Variants in ING5 observed in about 807,000 individuals in gnomAD.
The protein encoded by ING5 is inhibitor of growth family member 5.
ING5 carries 17 observed loss-of-function variants against 37.4 expected under a neutral mutation model. The observed-to-expected ratio is 0.45, with a 90% CI of 0.31 to 0.68. The LOEUF (loss-of-function observed/expected upper bound fraction) is 0.68, where lower values mean the gene tolerates loss of function less well. Ranked by LOEUF, ING5 falls within the 30% of genes least tolerant of loss-of-function variation. ING5 has a pLI of 0.05. For missense variants in ING5, 233 were observed against 311.9 expected (o/e 0.75, Z 1.91); for synonymous variants, 123 against 116.6 (o/e 1.06, Z -0.36).
At chr2:241,712,149 A>C in intron 5 of ING5, 78 bp downstream of exon 5, 1 of 1,166,056 alleles carries the variant, frequency 8.6e-7, no homozygotes, top group Non-Finnish European at 1.2e-6. Context: ...CACTGATGGA[A>C]GCTGACCCGA....
chr2:241,720,945 T>A (rs1247713792), intron 5 of ING5: 1 of 985,522 alleles, frequency 1.0e-6, no homozygotes, highest in African/African-American at 1.7e-5. Flanking sequence ...GTGCCCTTGC[T>A]GGGCGGTCCC....
intron 2 of ING5, among the ~76,000 whole-genome samples, chr2:241,705,116 C>G (rs896877043): frequency 6.6e-6 from 1 of 152,088 alleles, no homozygotes; most frequent in Non-Finnish European, 1.5e-5. Context: ...GCTTTGTCGC[C>G]CAGTCCGGAG....
At chr2:241,709,040 C>A (rs1428232945) in intron 2 of ING5, 176 bp from the exon 3 acceptor site, 2 of 641,722 alleles carry the variant, frequency 3.1e-6, no homozygotes, top group Non-Finnish European at 5.5e-6. Context: ...CACACGATCC[C>A]AGACTGTTTG....
rs778444613 is a variant in ING5 at position 241,722,925 on chromosome 2, C to T, written c.483-14C>T. 6.2e-7 allele frequency: 1 copy of T among 1,613,546 alleles called. No individual in the cohort carries two copies. Among genetic ancestry groups the T allele is most frequent in the Non-Finnish European group, 8.5e-7 (1 of 1,180,020 alleles). ...CCATGGCCTTCAGTGGTGCCTGTGCCCTGTCCCCTGCAGGTCTGAGTTCAC... is the reference window on the plus strand; with the variant it reads ...CCATGGCCTTCAGTGGTGCCTGTGCTCTGTCCCCTGCAGGTCTGAGTTCAC... On this transcript the variant is annotated splice_polypyrimidine_tract_variant and intron_variant, in intron 5 of 7. Coordinates refer to ENST00000313552, the MANE Select transcript of ING5 (RefSeq NM_032329.6).
chr2:241,707,623 G>T (rs2069963586), intron 2 of ING5, among the ~76,000 whole-genome samples: 1 of 152,198 alleles, frequency 6.6e-6, no homozygotes, highest in Non-Finnish European at 1.5e-5. Flanking sequence ...TGAGATAGCT[G>T]TGTTTTTTTC....
At chr2:241,724,838 C>A (rs919486515) in intron 7 of ING5, 151 bp from the exon 8 acceptor site, 2 of 690,600 alleles carry the variant, frequency 2.9e-6, no homozygotes, top group East Asian at 2.6e-5. Flanking sequence ...ATTTTCCCTG[C>A]GGGAGGGCCG....
intron 1 of ING5, 131 bp from the exon 2 acceptor site, chr2:241,704,522 C>G: frequency 4.2e-6 from 3 of 707,708 alleles, no homozygotes; most frequent in Non-Finnish European, 7.6e-6. Context: ...GAGCCAAGAT[C>G]GCACCACTGC....
rs111473414 is a variant in ING5 at position 241,721,575 on chromosome 2, G to C, written c.483-1364G>C. 247 of 985,438 alleles carry C rather than the reference G, an allele frequency of 2.5e-4. 2 individuals carry two copies. The African/African-American group carries it at 3.4e-3, about 14-fold the overall frequency. The allele number at this position is 985,438 out of a possible 1,614,324, so 61.0% of individuals were successfully genotyped here. On this transcript the variant is annotated intron_variant, in intron 5 of 7. Coordinates refer to ENST00000313552, the MANE Select transcript of ING5 (RefSeq NM_032329.6). ...AAAGCTGAGTGTTGATTCCCTCTGG[G>C]ACCCAGACTTCTGCTCCTTGGCTTT...
rs546321713 is a variant in ING5, at chr2:241,704,822, G to C, written c.109+98G>C. 42 of 956,472 alleles carry C rather than the reference G, an allele frequency of 4.4e-5. No homozygotes were observed. In the African/African-American group the frequency reaches 6.4e-4, roughly 15 times the overall value. 59.2% of individuals were successfully genotyped at this position (956,472 alleles called of 1,614,324 possible). A position where few individuals can be genotyped will look rare whatever the true frequency, so the allele number is the denominator to read the frequency against. Reference sequence around the variant, plus strand: ...GGGCAGAGGGTTTTGAGGGGACCCAGGTTAGTGGGGCATTGGCCTAGCCCT... The same window carrying C: ...GGGCAGAGGGTTTTGAGGGGACCCACGTTAGTGGGGCATTGGCCTAGCCCT... On this transcript the variant is annotated intron_variant, in intron 2 of 7. Coordinates refer to ENST00000313552, the MANE Select transcript of ING5 (RefSeq NM_032329.6).
chr2:241,721,151 C>A, intron 5 of ING5: 2 of 985,572 alleles, frequency 2.0e-6, no homozygotes, highest in Non-Finnish European at 2.4e-6. Context: ...CTGCTCTCCG[C>A]GGGTGAGAGG....
chr2:241,721,634 T>C, intron 5 of ING5: 2 of 985,458 alleles, frequency 2.0e-6, no homozygotes, highest in South Asian at 4.7e-5. Context: ...ACGGCCACGT[T>C]CCTCCTGCTA....
intron 5 of ING5, among the ~76,000 whole-genome samples, chr2:241,717,593 G>C (rs1005680479): frequency 6.7e-6 from 1 of 150,272 alleles, no homozygotes; most frequent in Non-Finnish European, 1.5e-5. Context: ...TAGAATTTTA[G>C]GTTGACCTTT....
At position 241,694,675 on chromosome 2, in the gene ING5, T is replaced by A. The variant is rs1345900927; in HGVS notation, c.43+4022T>A. Among the ~76,000 whole-genome samples the A allele has an allele frequency of 4.0e-5, 6 of 150,926 alleles. No homozygotes were observed. In the East Asian group the frequency reaches 1.0e-3, roughly 25 times the overall value. ...GAAAGCAACCAGTGGCCATGCTGGT[T>A]GGTATAACCTTCCCTTTGGGCAATT... On this transcript the variant is annotated intron_variant, in intron 2 of 7. Coordinates refer to the ING5 transcript ENST00000636051.
At chr2:241,710,076 G>A (rs892594570) in intron 3 of ING5, among the ~76,000 whole-genome samples, 15 of 150,976 alleles carry the variant, frequency 9.9e-5, no homozygotes, top group African/African-American at 3.7e-4. Flanking sequence ...CCGAGTAGCT[G>A]AGATTACAGG....
chr2:241,702,168 C>A, intron 1 of ING5, 66 bp downstream of exon 1: 1 of 1,027,148 alleles, frequency 9.7e-7, no homozygotes, highest in Non-Finnish European at 1.2e-6. Context: ...CAGCCCCCCG[C>A]GCGCCGGGCA....
chr2:241,691,095 C>G (rs2069546710), intron 2 of ING5, among the ~76,000 whole-genome samples: 1 of 151,514 alleles, frequency 6.6e-6, no homozygotes, highest in Non-Finnish European at 1.5e-5. Flanking sequence ...CAGGCGTGAG[C>G]CAGCGCACCC....
chr2:241,709,449 G>T, intron 3 of ING5, 67 bp downstream of exon 3: 1 of 1,473,540 alleles, frequency 6.8e-7, no homozygotes, highest in Non-Finnish European at 9.2e-7. Context: ...GCAACAAAAT[G>T]TAAAAACTGC....
rs929445962 is a variant in ING5, at chr2:241,722,213, A to T, written c.483-726A>T. 5.1e-6 allele frequency: 5 copies of T among 985,090 alleles called. No homozygotes were observed. The African/African-American group carries it at 8.7e-5, about 17-fold the overall frequency. 61.0% of individuals were successfully genotyped at this position (985,090 alleles called of 1,614,324 possible). ...CTGACACCTGTCAGTCTGGAGTGGG[A>T]GGCTGGCAGGCTTCTCTCAGGTGTC... On this transcript the variant is annotated intron_variant, in intron 5 of 7. Transcript: ENST00000313552.
chr2:241,706,660 G>A (rs2069923280), intron 2 of ING5, among the ~76,000 whole-genome samples: 1 of 150,654 alleles, frequency 6.6e-6, no homozygotes, highest in Admixed American at 6.6e-5. Context: ...AAGGAAGGTA[G>A]ATTTTCTTGT....
Sources: gnomAD v4.1 joint callset for allele counts (sites outside exome capture counted in the v4.1 genomes callset) on GRCh38, gnomAD v4.1.1 for gene constraint, MANE v1.5 for transcripts, NCBI Gene and HGNC (gene_info 2026-07-23, HGNC 2026-07-21) for gene names.